Variants in RHOU observed in about 807,000 individuals in gnomAD.
RHOU encodes ras homolog family member U.
RHOU carries 8 observed loss-of-function variants against 12.6 expected under a neutral mutation model. The observed-to-expected ratio is 0.64, with a 90% CI of 0.37 to 1.15. RHOU has a LOEUF of 1.15. Ranked by LOEUF, RHOU falls within the 50% of genes most tolerant of loss-of-function variation. The probability of loss-of-function intolerance (pLI) is 0.01; values close to 1 mark genes in which losing one functional copy is unlikely to be tolerated. For synonymous variants in RHOU, 161 were observed against 147.4 expected (o/e 1.09, Z -0.67); for missense variants, 258 against 347.0 (o/e 0.74, Z 2.04).
chr1:228,731,908 C>T (rs1224306551), upstream of RHOU, among the ~76,000 whole-genome samples: 2 of 152,162 alleles, frequency 1.3e-5, no homozygotes, highest in Non-Finnish European at 2.9e-5. Context: ...AGGCGTTGTA[C>T]TGTCTTGGTG....
chr1:228,740,745 T>C (rs986158578), intron 2 of RHOU, among the ~76,000 whole-genome samples: 4 of 152,226 alleles, frequency 2.6e-5, no homozygotes, highest in African/African-American at 9.6e-5. Flanking sequence ...TGAGCACAGA[T>C]AGGCTAGAAC....
At chr1:228,677,370 G>T in the RHOU span, among the ~76,000 whole-genome samples, 3 of 152,028 alleles carry the variant, frequency 2.0e-5, no homozygotes, top group African/African-American at 7.2e-5. Context: ...TGTCAAAGGG[G>T]GTTCAGCATA....
chr1:228,703,610 TCTTAA>T, the RHOU span, among the ~76,000 whole-genome samples: 2 of 152,192 alleles, frequency 1.3e-5, no homozygotes, highest in Non-Finnish European at 2.9e-5. Context: ...TAGGTGGTCT[TCTTAA>T]CTTAGCTACT....
At chr1:228,677,796 G>A in the RHOU span, among the ~76,000 whole-genome samples, 2 of 152,168 alleles carry the variant, frequency 1.3e-5, no homozygotes, top group African/African-American at 4.8e-5. Flanking sequence ...GCGATTTGAG[G>A]TAAAACCAGG....
chr1:228,672,026 A>G, the RHOU span, among the ~76,000 whole-genome samples: 1 of 152,270 alleles, frequency 6.6e-6, no homozygotes, highest in Admixed American at 6.5e-5. Flanking sequence ...ACACTGGTGC[A>G]CATGCACACA....
chr1:228,707,251 ATATAGTGTGTGT>A, the RHOU span, among the ~76,000 whole-genome samples: 37 of 96,606 alleles, frequency 3.8e-4, no homozygotes, highest in African/African-American at 2.0e-3. Flanking sequence ...ATATATATAT[ATATAGTGTGTGT>A]GTGTGTGTGT....
the RHOU span, among the ~76,000 whole-genome samples, chr1:228,708,204 G>A: frequency 6.6e-6 from 1 of 152,252 alleles, no homozygotes; most frequent in Non-Finnish European, 1.5e-5. Flanking sequence ...AAAGTGACGG[G>A]GAGAATGGAA....
the RHOU span, among the ~76,000 whole-genome samples, chr1:228,681,752 T>C: frequency 1.3e-5 from 2 of 152,124 alleles, no homozygotes. Flanking sequence ...GAAGAGGTTT[T>C]AAGCTCTTGA....
chr1:228,731,940 A>G (rs953735933), upstream of RHOU, among the ~76,000 whole-genome samples: 3 of 152,338 alleles, frequency 2.0e-5, no homozygotes, highest in South Asian at 2.1e-4. Context: ...GGAATACATG[A>G]GGTGTAATGC....
the RHOU span, among the ~76,000 whole-genome samples, chr1:228,723,689 C>A: frequency 1.3e-5 from 2 of 152,178 alleles, no homozygotes; most frequent in African/African-American, 4.8e-5. Flanking sequence ...TTGGAGCTGC[C>A]GTAAAAGAAA....
chr1:228,674,125 T>C, the RHOU span, among the ~76,000 whole-genome samples: 3 of 152,236 alleles, frequency 2.0e-5, no homozygotes, highest in Non-Finnish European at 4.4e-5. Flanking sequence ...ACAATTGATA[T>C]TGAGTTCCTT....
At chr1:228,716,094 T>A in the RHOU span, among the ~76,000 whole-genome samples, 9 of 152,032 alleles carry the variant, frequency 5.9e-5, no homozygotes. Context: ...CAAAAATCTT[T>A]TTTGTAAATA....
chr1:228,729,949 C>T, the RHOU span, among the ~76,000 whole-genome samples: 1 of 152,232 alleles, frequency 6.6e-6, no homozygotes, highest in Non-Finnish European at 1.5e-5. Context: ...CTTACCATGA[C>T]ACTAACTGAT....
the RHOU span, among the ~76,000 whole-genome samples, chr1:228,707,126 A>ATATATGTATATG: frequency 1.3e-5 from 1 of 75,374 alleles, no homozygotes; most frequent in African/African-American, 1.5e-4. Flanking sequence ...ATATATATAT[A>ATATATGTATATG]CATATATATA....
chr1:228,708,002 A>G, the RHOU span, among the ~76,000 whole-genome samples: 3 of 152,224 alleles, frequency 2.0e-5, no homozygotes, highest in East Asian at 3.8e-4. Flanking sequence ...CGAGAACTAC[A>G]TGAAGAATGC....
chr1:228,661,819 A>C, the RHOU span, among the ~76,000 whole-genome samples: 1 of 152,248 alleles, frequency 6.6e-6, no homozygotes, highest in Admixed American at 6.5e-5. Context: ...AAAAGCCAAA[A>C]TTGACAAATG....
the RHOU span, among the ~76,000 whole-genome samples, chr1:228,703,607 T>C: frequency 6.6e-6 from 1 of 152,090 alleles, no homozygotes; most frequent in Non-Finnish European, 1.5e-5. Flanking sequence ...TAATAGGTGG[T>C]CTTCTTAACT....
At chr1:228,686,180 T>G in the RHOU span, among the ~76,000 whole-genome samples, 1 of 152,196 alleles carries the variant, frequency 6.6e-6, no homozygotes, top group East Asian at 1.9e-4. Flanking sequence ...CTCCCTTATC[T>G]TCAACTTCTT....
At chr1:228,677,180 G>C in the RHOU span, among the ~76,000 whole-genome samples, 14 of 151,856 alleles carry the variant, frequency 9.2e-5, no homozygotes, top group Admixed American at 7.2e-4. Context: ...GGGGTAAGGG[G>C]TGATATTGTG....
Sources: gnomAD v4.1 joint callset for allele counts (sites outside exome capture counted in the v4.1 genomes callset) on GRCh38, gnomAD v4.1.1 for gene constraint, MANE v1.5 for transcripts, NCBI Gene and HGNC (gene_info 2026-07-23, HGNC 2026-07-21) for gene names.